RBM41: variants seen among roughly 807,000 people sequenced by gnomAD.
RBM41 encodes the protein RNA binding motif protein 41.
RBM41 carries 14 observed loss-of-function variants against 30.8 expected under a neutral mutation model. The observed-to-expected ratio is 0.45, with a 90% CI of 0.30 to 0.71. The LOEUF (loss-of-function observed/expected upper bound fraction) is 0.71. Ranked by LOEUF, RBM41 falls within the 30% of genes least tolerant of loss-of-function variation. The pLI, the probability that RBM41 is intolerant of heterozygous loss-of-function variation, is 0.08. For missense variants in RBM41, 276 were observed against 326.3 expected (o/e 0.85, Z 1.19); for synonymous variants, 120 against 110.1 (o/e 1.09, Z -0.56).
At chrX:107,058,429 C>A (rs1370931349), downstream of RBM41, among the ~76,000 whole-genome samples, 3 of 111,310 alleles carry the variant, frequency 2.7e-5, no homozygotes, top group Non-Finnish European at 5.7e-5. Flanking sequence ...TCACAACCAC[C>A]CTGTGAGGTA....
rs373977872 is a variant in RBM41, at chrX:107,081,207, T to C, written c.999+7229A>G. Among the ~76,000 whole-genome samples, 8 of 104,941 alleles carry C rather than the reference T, an allele frequency of 7.6e-5. No individual in the cohort carries two copies. The East Asian group carries it at 1.1e-3, about 15-fold the overall frequency. The allele number at this position is 104,941 out of a possible 115,157, so 91.1% of individuals were successfully genotyped here. A position where few individuals can be genotyped will look rare whatever the true frequency, so the allele number is the denominator to read the frequency against. On this transcript the variant is annotated intron_variant, in intron 6 of 7. Coordinates refer to ENST00000685964, the MANE Select transcript of RBM41 (RefSeq NM_001324242.2). The stretch of plus-strand genomic sequence containing the variant: ...TAATTTTTATGAAGGATGTAAGGTT[T>C]GTATCTAGATTCATTTTTTTTTTAC...
intron 5 of RBM41, among the ~76,000 whole-genome samples, chrX:107,107,379 T>C: frequency 9.0e-6 from 1 of 111,551 alleles, no homozygotes; most frequent in East Asian, 2.8e-4. Flanking sequence ...CAGTTTCCTT[T>C]GAAATAGGAT....
intron 6 of RBM41, among the ~76,000 whole-genome samples, chrX:107,072,986 A>G (rs1936116632): frequency 9.0e-6 from 1 of 111,351 alleles, no homozygotes; most frequent in Non-Finnish European, 1.9e-5. Context: ...CTATACAAAA[A>G]TCAACTCAAA....
intron 4 of RBM41, chrX:107,115,047 CA>C: frequency 3.9e-6 from 1 of 259,375 alleles, no homozygotes; most frequent in Non-Finnish European, 6.8e-6. Context: ...ATTTACCTGA[CA>C]AATGCCCATT....
At chrX:107,068,242 C>G (rs1006903713) in intron 7 of RBM41, among the ~76,000 whole-genome samples, 11 of 110,197 alleles carry the variant, frequency 1.0e-4, no homozygotes, top group Non-Finnish European at 2.1e-4. Context: ...GGTCTAAGAG[C>G]CTGGATGTAA....
At chrX:107,076,364 T>TAAA (rs1556002740) in intron 6 of RBM41, among the ~76,000 whole-genome samples, 1 of 103,882 alleles carries the variant, frequency 9.6e-6, no homozygotes, top group Non-Finnish European at 2.0e-5. Flanking sequence ...AATAAATAAA[T>TAAA]AAAATACAAT....
At chrX:107,088,288 T>C in intron 6 of RBM41, 148 bp downstream of exon 6, 1 of 578,173 alleles carries the variant, frequency 1.7e-6, no homozygotes, top group Non-Finnish European at 2.8e-6. Context: ...ATGCAGAGAA[T>C]GAATAGTCAA....
At chrX:107,087,529 G>T (rs1922140120) in intron 6 of RBM41, among the ~76,000 whole-genome samples, 1 of 110,775 alleles carries the variant, frequency 9.0e-6, no homozygotes, top group Admixed American at 9.4e-5. Flanking sequence ...CATTCCAGAT[G>T]TAACATATAA....
intron 6 of RBM41, chrX:107,070,504 T>C: frequency 4.0e-6 from 1 of 248,975 alleles, no homozygotes; most frequent in Non-Finnish European, 7.5e-6. Context: ...CACTTTAAAG[T>C]GAAGCTCAAA....
Position 107,067,166 on chromosome X carries a change from T to C in RBM41, c.*361A>G, listed in dbSNP as rs902887308. The C allele has an allele frequency of 5.7e-5, 43 of 755,177 alleles. No homozygotes were observed. Among genetic ancestry groups the C allele is most frequent in the Non-Finnish European group, 6.7e-5 (43 of 639,337 alleles). The allele number at this position is 755,177 out of a possible 1,213,427, so 62.2% of individuals were successfully genotyped here. A position where few individuals can be genotyped will look rare whatever the true frequency, so the allele number is the denominator to read the frequency against. ...CAACATTTAATTAGTTTTTTATTTC[T>C]GTGTATACGAAGCAGTCTAAGAAAG... On this transcript the variant is annotated 3_prime_UTR_variant, in exon 8 of 8. Coordinates refer to ENST00000685964, the MANE Select transcript of RBM41 (RefSeq NM_001324242.2).
Position 107,065,712 on chromosome X carries a change from C to T in RBM41, c.*1815G>A, listed in dbSNP as rs1335532191. 8.8e-6 allele frequency: 10 copies of T among 1,134,949 alleles called. No individual in the cohort carries two copies. The East Asian group carries it at 2.7e-4, about 30-fold the overall frequency. The allele number at this position is 1,134,949 out of a possible 1,213,427, so 93.5% of individuals were successfully genotyped here. The stretch of plus-strand genomic sequence containing the variant: ...GTGGATTTGTCTTACCATCTGGAGT[C>T]AGTTCTTTAGTACAAGACAGTTTTG... On this transcript the variant is annotated 3_prime_UTR_variant, in exon 8 of 8. Transcript: ENST00000685964.
At chrX:107,108,646 C>T (rs1424738544) in intron 5 of RBM41, among the ~76,000 whole-genome samples, 1 of 112,311 alleles carries the variant, frequency 8.9e-6, no homozygotes. Flanking sequence ...GGCACCAGGA[C>T]AATTGGCTAT....
intron 6 of RBM41, among the ~76,000 whole-genome samples, chrX:107,071,408 T>C (rs1936061890): frequency 1.8e-5 from 2 of 111,484 alleles, no homozygotes; most frequent in African/African-American, 6.5e-5. Context: ...TGCTAGCTAT[T>C]CTATGAGGCC....
chrX:107,099,363 T>C (rs1191195945), intron 5 of RBM41, among the ~76,000 whole-genome samples: 3 of 111,691 alleles, frequency 2.7e-5, no homozygotes, highest in Non-Finnish European at 5.6e-5. Context: ...CACCCATTGG[T>C]TATTTTGTCT....
intron 5 of RBM41, among the ~76,000 whole-genome samples, chrX:107,101,844 T>C (rs1026734931): frequency 8.0e-5 from 9 of 111,924 alleles, no homozygotes; most frequent in Admixed American, 7.6e-4. Flanking sequence ...CCTAAAAATG[T>C]AGAATTGGAT....
At chrX:107,083,917 GTTTT>G (rs775394889) in intron 6 of RBM41, among the ~76,000 whole-genome samples, 1 of 95,056 alleles carries the variant, frequency 1.1e-5, no homozygotes, top group Non-Finnish European at 2.1e-5. Flanking sequence ...CAGAATGTGT[GTTTT>G]TTTTTTTTTT....
chrX:107,089,934 C>T lies in RBM41; in HGVS notation c.596-1095G>A, dbSNP rs187114131. ...ATGGCTTTCCTAATTCTTTCTTTTACGCTTATTATCCGTAATTCTAAAATG... is the reference window on the plus strand; with the variant it reads ...ATGGCTTTCCTAATTCTTTCTTTTATGCTTATTATCCGTAATTCTAAAATG... On this transcript the variant is annotated intron_variant, in intron 5 of 7. Coordinates refer to ENST00000685964, the MANE Select transcript of RBM41 (RefSeq NM_001324242.2). Among the ~76,000 whole-genome samples the T allele has an allele frequency of 7.7e-4, 86 of 112,077 alleles. 1 individual carries two copies. The highest frequency in any genetic ancestry group is 2.6e-3 in the African/African-American group (81 of 30,887).
the RBM41 span, among the ~76,000 whole-genome samples, chrX:107,053,712 G>A: frequency 9.0e-6 from 1 of 110,916 alleles, no homozygotes; most frequent in African/African-American, 3.3e-5. Flanking sequence ...GGCTAGGGGT[G>A]CTATGTCCCC....
At chrX:107,109,895 T>C (rs759725447) in intron 5 of RBM41, among the ~76,000 whole-genome samples, 1 of 111,396 alleles carries the variant, frequency 9.0e-6, no homozygotes, top group Non-Finnish European at 1.9e-5. Context: ...ATATTTGTAA[T>C]TTTCCTAAAT....
Sources: allele counts gnomAD v4.1 joint callset (sites outside exome capture counted in the v4.1 genomes callset), GRCh38; gene constraint gnomAD v4.1.1; transcripts MANE v1.5; gene names NCBI Gene and HGNC (gene_info 2026-07-23, HGNC 2026-07-21).